CA11: variants seen among roughly 807,000 people sequenced by gnomAD.
CA11 encodes carbonic anhydrase 11 (inactive), also known as carbonic anhydrase-related protein 11.
A neutral mutation model predicts 39.3 loss-of-function variants in CA11; 20 were observed. The ratio of observed to expected loss-of-function variants is 0.51; its 90% CI spans 0.36 to 0.74. The LOEUF is 0.74. CA11 is among the 30% of genes least tolerant of loss of function. The probability of loss-of-function intolerance (pLI) is 0.00; values close to 1 mark genes in which losing one functional copy is unlikely to be tolerated. For synonymous variants in CA11, 166 were observed against 172.5 expected, an observed-to-expected ratio of 0.96 and a Z score of 0.29; for missense variants, 336 against 424.6, an observed-to-expected ratio of 0.79 and a Z score of 1.83.
At chr19:48,640,978 GTTTTTGTTTT>G (rs1422425132) in intron 3 of CA11, among the ~76,000 whole-genome samples, 21 of 89,362 alleles carry the variant, frequency 2.3e-4, no homozygotes, top group Admixed American at 1.0e-3. Context: ...CCGGCTTTTT[GTTTTTGTTTT>G]TTTTTTTTTT....
chr19:48,645,132 G>A (rs1242099979), intron 2 of CA11, among the ~76,000 whole-genome samples: 1 of 152,168 alleles, frequency 6.6e-6, no homozygotes, highest in African/African-American at 2.4e-5. Flanking sequence ...CCTAGCAGGA[G>A]CCAGGACCTT....
At position 48,644,574 on chromosome 19, in the gene CA11, G is replaced by A. The variant is rs370034004; in HGVS notation, c.143-5C>T. 2 of 1,575,866 alleles carry A rather than the reference G, an allele frequency of 1.3e-6. No individual in the cohort carries two copies. The highest frequency in any genetic ancestry group is 1.7e-6 in the Non-Finnish European group (2 of 1,158,946). On this transcript the variant is annotated splice_region_variant and splice_polypyrimidine_tract_variant and intron_variant, in intron 2 of 8. Transcript: ENST00000084798. ...CCAGGCCCCAGAAAGGAGGCCCTGGGGGTGGGGTCGGAGTAGGAGGACAAG... is the reference window on the plus strand; with the variant it reads ...CCAGGCCCCAGAAAGGAGGCCCTGGAGGTGGGGTCGGAGTAGGAGGACAAG...
intron 3 of CA11, 52 bp from the exon 4 acceptor site, chr19:48,640,332 CGTTT>C: frequency 1.5e-5 from 16 of 1,099,536 alleles, no homozygotes; most frequent in Middle Eastern, 2.9e-4. Context: ...TTTTATCTCT[CGTTT>C]CCCACGCCTA....
In CA11 at chr19:48,643,292, C is replaced by G. The variant is rs1230651560; in HGVS notation, c.285+1135G>C. ...TGGCGTGATGTCAGCTCACTGCAAC[C>G]TCCGCCTCCCGGGTTCAAGCAATTC... On this transcript the variant is annotated intron_variant, in intron 3 of 8. Transcript: ENST00000084798. The surrounding 1 kb of genome is among the most constrained non-coding windows in gnomAD (Gnocchi z 4.3). Among the ~76,000 whole-genome samples the G allele has an allele frequency of 6.6e-6, 1 of 152,160 alleles. No individual in the cohort carries two copies. The highest frequency in any genetic ancestry group is 2.4e-5 in the African/African-American group (1 of 41,434).
Position 48,643,814 on chromosome 19 carries a change from C to A in CA11, c.285+613G>T, listed in dbSNP as rs1199187965. Among the ~76,000 whole-genome samples, 1 of 151,888 alleles carries A rather than the reference C, an allele frequency of 6.6e-6. No homozygotes were observed. The highest frequency in any genetic ancestry group is 1.5e-5 in the Non-Finnish European group (1 of 67,996). On this transcript the variant is annotated intron_variant, in intron 3 of 8. Transcript: ENST00000084798. The surrounding 1 kb of genome is among the most constrained non-coding windows in gnomAD (Gnocchi z 4.3). ...AGGTTAATAATTGTACCCATTTTGGCTGGACGCAGTGGCTCATGCCTGTAA... is the reference window on the plus strand; with the variant it reads ...AGGTTAATAATTGTACCCATTTTGGATGGACGCAGTGGCTCATGCCTGTAA...
At chr19:48,640,356 A>C in intron 3 of CA11, 76 bp from the exon 4 acceptor site, 11 of 568,902 alleles carry the variant, frequency 1.9e-5, no homozygotes, top group Admixed American at 3.2e-5. Context: ...ACATTTTCTG[A>C]TTCCAACAGT....
At chr19:48,638,790 A>G in intron 8 of CA11, 98 bp downstream of exon 8, 1 of 1,272,912 alleles carries the variant, frequency 7.9e-7, no homozygotes, top group Non-Finnish European at 1.1e-6. Flanking sequence ...ATATAGACGC[A>G]GGAAGGAGGA....
chr19:48,640,977 T>TG (rs1338244130), intron 3 of CA11, among the ~76,000 whole-genome samples: 8 of 89,764 alleles, frequency 8.9e-5, no homozygotes, highest in South Asian at 3.5e-4. Context: ...CCCGGCTTTT[T>TG]GTTTTTGTTT....
rs1481690899 is a variant in CA11, at chr19:48,644,466, G to T, written c.246C>A (p.Pro82=). ...DVELKRVLYD[P]FLPPLRLSTG... ...TGCTGAGCCTTAATGGGGGCAGAAA[G>T]GGGTCATAAAGAACCCTCTTCAGCT... The change falls in exon 3 of 9, where the codon CCC becomes CCA. Residue 82 remains proline (P), a synonymous_variant. Transcript: ENST00000084798. 6.2e-7 allele frequency: 1 copy of T among 1,610,866 alleles called. No individual in the cohort carries two copies. The highest frequency in any genetic ancestry group is 8.5e-7 in the Non-Finnish European group (1 of 1,177,958).
chr19:48,644,390 C>A, intron 3 of CA11, 37 bp downstream of exon 3: 2 of 1,522,024 alleles, frequency 1.3e-6, no homozygotes. Context: ...TGCCCATCCC[C>A]AGTGGGTTCA....
chr19:48,641,603 G>A (rs2031086389), intron 3 of CA11, among the ~76,000 whole-genome samples: 1 of 152,002 alleles, frequency 6.6e-6, no homozygotes, highest in South Asian at 2.1e-4. Context: ...CTTAGATGGG[G>A]GATGTCAGGA....
At position 48,644,535 on chromosome 19, in the gene CA11, C is replaced by T. The variant is rs1440671989; in HGVS notation, c.177G>A (p.Trp59Ter). ...PPFWGLVNAA[W>*]SLCAVGKRQS... Reference sequence around the variant, plus strand: ...GCCGCTTCCCCACAGCACACAGACTCCACGCTGCATTCACCAGGCCCCAGA... The same window carrying T: ...GCCGCTTCCCCACAGCACACAGACTTCACGCTGCATTCACCAGGCCCCAGA... Residue 59 changes from tryptophan (W) to a stop codon, truncating the protein, a stop_gained, in exon 3 of 9, where the codon TGG (tryptophan) becomes TGA (stop). Coordinates refer to ENST00000084798, the MANE Select transcript of CA11 (RefSeq NM_001217.5). LOFTEE classifies it high-confidence loss of function. 1 of 1,608,004 alleles carries T rather than the reference C, an allele frequency of 6.2e-7. No homozygotes were observed. Among genetic ancestry groups the T allele is most frequent in the African/African-American group, 1.3e-5 (1 of 74,914 alleles).
At chr19:48,638,422 G>C in intron 8 of CA11, 1 of 1,014,746 alleles carries the variant, frequency 9.9e-7, no homozygotes, top group Non-Finnish European at 1.2e-6. Flanking sequence ...CCGGGGGTGT[G>C]TGAGATTCCT....
intron 8 of CA11, 40 bp from the exon 9 acceptor site, chr19:48,638,184 G>A (rs1434406775): frequency 8.2e-7 from 1 of 1,222,356 alleles, no homozygotes; most frequent in African/African-American, 1.6e-5. Context: ...GTCAGTATAG[G>A]ATGGAAGGGG....
In CA11 at chr19:48,645,605, G is replaced by T; in HGVS notation, c.28C>A (p.Pro10Thr). Residue 10 changes from proline to threonine, a missense_variant, in exon 1 of 9, where the codon CCT (proline) becomes ACT (threonine). Transcript: ENST00000084798. MGAAARLSA[P>T]RALVLWAALG... is the part of the protein sequence containing the mutation. ...GCAGCCCAGAGTACCAGCGCTCGAG[G>T]GGCGCTCAGACGAGCTGCAGCCCCC... The T allele has an allele frequency of 6.2e-7, 1 of 1,601,786 alleles. No individual in the cohort carries two copies. Among genetic ancestry groups the T allele is most frequent in the East Asian group, 2.3e-5 (1 of 44,156 alleles).
chr19:48,638,854 C>T lies in CA11; in HGVS notation c.961+34G>A, dbSNP rs2030948507. 2.6e-6 allele frequency: 4 copies of T among 1,526,760 alleles called. No homozygotes were observed. The East Asian group carries it at 9.1e-5, about 35-fold the overall frequency. The allele number at this position is 1,526,760 out of a possible 1,614,324, so 94.6% of individuals were successfully genotyped here. A position where few individuals can be genotyped will look rare whatever the true frequency, so the allele number is the denominator to read the frequency against. On this transcript the variant is annotated intron_variant, in intron 8 of 8. Coordinates refer to ENST00000084798, the MANE Select transcript of CA11 (RefSeq NM_001217.5). Reference sequence around the variant, plus strand: ...GGGAGACACATATAAGAGGGTTAGCCCAAGACTTAGAGGGGGTGCAGACTG... The same window carrying T: ...GGGAGACACATATAAGAGGGTTAGCTCAAGACTTAGAGGGGGTGCAGACTG...
chr19:48,639,100 C>A, intron 7 of CA11, 47 bp from the exon 8 acceptor site: 4 of 1,608,120 alleles, frequency 2.5e-6, no homozygotes, highest in South Asian at 1.1e-5. Context: ...AGTGAATGGT[C>A]TTGGTGACGT....
chr19:48,641,050 C>G (rs1227641883), intron 3 of CA11, among the ~76,000 whole-genome samples: 2 of 150,046 alleles, frequency 1.3e-5, no homozygotes, highest in South Asian at 2.1e-4. Flanking sequence ...TGAGATCTCG[C>G]CTCACTGCAA....
At chr19:48,639,139 G>T in intron 7 of CA11, 86 bp from the exon 8 acceptor site, 2 of 1,560,240 alleles carry the variant, frequency 1.3e-6, no homozygotes, top group East Asian at 2.3e-5. Flanking sequence ...CCTGGGAGCA[G>T]GTGGGCGGGG....
Sources: allele counts gnomAD v4.1 joint callset (sites outside exome capture counted in the v4.1 genomes callset), GRCh38; gene constraint gnomAD v4.1.1; non-coding constraint Gnocchi (gnomAD v3.1); transcripts MANE v1.5; gene names NCBI Gene and HGNC (gene_info 2026-07-23, HGNC 2026-07-21).